Variants in TNS2 observed in about 807,000 individuals in gnomAD.
TNS2 encodes the protein tensin-2.
Under a neutral mutation model 155.7 loss-of-function variants are expected in TNS2, and 77 were observed. The observed-to-expected ratio is 0.49, with a 90% CI of 0.41 to 0.60. The LOEUF (loss-of-function observed/expected upper bound fraction) is 0.60, where lower values mean the gene tolerates loss of function less well. Ranked by LOEUF, TNS2 falls within the 20% of genes least tolerant of loss-of-function variation. The pLI is 0.00. For synonymous variants in TNS2, 726 were observed against 763.9 expected (o/e 0.95, Z 0.82); for missense variants, 1,703 against 1,868.8 (o/e 0.91, Z 1.64).
At chr12:53,053,597 C>CT in intron 4 of TNS2, 148 bp downstream of exon 4, 1 of 1,352,458 alleles carries the variant, frequency 7.4e-7, no homozygotes, top group South Asian at 1.3e-5. Flanking sequence ...AAAAAACTGT[C>CT]TGAGTCCTCT....
At position 53,053,953 on chromosome 12, in the gene TNS2, G is replaced by A; in HGVS notation, c.301-12G>A. 6.2e-7 allele frequency: 1 copy of A among 1,614,198 alleles called. No homozygotes were observed. Among genetic ancestry groups the A allele is most frequent in the Non-Finnish European group, 8.5e-7 (1 of 1,180,040 alleles). On this transcript the variant is annotated splice_polypyrimidine_tract_variant and intron_variant, in intron 5 of 28. Coordinates refer to ENST00000314250, the MANE Select transcript of TNS2 (RefSeq NM_170754.4). ...CCAAAGAGATGTCTAGACACTGTCT[G>A]TTAACCACCAGGGATCCACCAAATC...
Position 53,063,701 on chromosome 12 carries a change from T to C in TNS2, c.4092-43T>C. On this transcript the variant is annotated intron_variant, in intron 28 of 28. Coordinates refer to ENST00000314250, the MANE Select transcript of TNS2 (RefSeq NM_170754.4). The surrounding 1 kb of genome is among the most constrained non-coding windows in gnomAD (Gnocchi z 5.6). ...CACCAAGGCCAGCTACATTCCCTTG[T>C]GGAAGGAATGTTAAGCCCCTTCCCC... The C allele has an allele frequency of 6.2e-7, 1 of 1,613,982 alleles. No homozygotes were observed. Among genetic ancestry groups the C allele is most frequent in the Non-Finnish European group, 8.5e-7 (1 of 1,179,882 alleles).
chr12:53,047,111 G>GGTGGGGAGCTGGCGGAAC (rs544823724), upstream of TNS2: 4 of 152,588 alleles, frequency 2.6e-5, no homozygotes, highest in South Asian at 7.7e-4. Context: ...GAGGCCGAGG[G>GGTGGGGAGCTGGCGGAAC]GTGGGGAGCT....
rs144263825 is a variant in TNS2, at chr12:53,059,543, C to T, written c.1902C>T (p.Ala634=). The change falls in exon 18 of 29, where the codon GCC becomes GCT. Residue 634 remains alanine (A), a synonymous_variant. Coordinates refer to ENST00000314250, the MANE Select transcript of TNS2 (RefSeq NM_170754.4). This position sits in a 1 kb window ranked among gnomAD's most constrained non-coding sequence, Gnocchi z 4.7. ...GGYEGSPQGY[A]EASMEKRRLC... is the part of the protein sequence containing the mutation. ...ATGAGGGATCCCCCCAGGGCTACGC[C>T]GAGGCCTCGATGGAGAAGAGGCGCC... 56 of 1,591,720 alleles carry T rather than the reference C, an allele frequency of 3.5e-5. No individual in the cohort carries two copies. The African/African-American group carries it at 7.0e-4, about 20-fold the overall frequency.
intron 3 of TNS2, among the ~76,000 whole-genome samples, chr12:53,052,760 G>C (rs893759172): frequency 2.0e-5 from 3 of 151,498 alleles, no homozygotes; most frequent in African/African-American, 7.3e-5. Context: ...CGAGAGGATG[G>C]GGGTGGGGAA....
chr12:53,048,364 C>T (rs192817372), upstream of TNS2, among the ~76,000 whole-genome samples: 6 of 152,224 alleles, frequency 3.9e-5, no homozygotes, highest in Non-Finnish European at 8.8e-5. Context: ...CCTATGGAGG[C>T]AGCAGGAGAG....
At position 53,055,563 on chromosome 12, in the gene TNS2, C is replaced by T. The variant is rs1944119270; in HGVS notation, c.574-5C>T. 6.3e-7 allele frequency: 1 copy of T among 1,598,832 alleles called. No homozygotes were observed. The highest frequency in any genetic ancestry group is 1.1e-5 in the South Asian group (1 of 89,842). On this transcript the variant is annotated splice_region_variant and splice_polypyrimidine_tract_variant and intron_variant, in intron 8 of 28. Coordinates refer to ENST00000314250, the MANE Select transcript of TNS2 (RefSeq NM_170754.4). ...GCCCCAGTTGCACCCCTGCATTCTC[C>T]CCAGGTTCAAGACTTCGGCTGGCCT... is the stretch of plus-strand genomic sequence containing the variant.
chr12:53,060,802 C>T lies in TNS2; in HGVS notation c.2896C>T (p.Pro966Ser). Reference protein sequence around the residue: ...KAPELPSGSGPEPLAPSPVSP... With the variant: ...KAPELPSGSGSEPLAPSPVSP... ...CCCTGAGCTGCCGTCGGGAAGTGGGCCTGAGCCTCTGGCCCCTAGCCCAGT... is the reference window on the plus strand; with the variant it reads ...CCCTGAGCTGCCGTCGGGAAGTGGGTCTGAGCCTCTGGCCCCTAGCCCAGT... The change falls in exon 20 of 29, where the codon CCT becomes TCT. Residue 966 changes from proline to serine, a missense_variant. Physicochemically the swap from Pro to Ser is moderately conservative, Grantham distance 74 (BLOSUM62 -1). Transcript: ENST00000314250. The surrounding 1 kb of genome is among the most constrained non-coding windows in gnomAD (Gnocchi z 6.1). 6.2e-7 allele frequency: 1 copy of T among 1,611,960 alleles called. No homozygotes were observed. The highest frequency in any genetic ancestry group is 2.2e-5 in the East Asian group (1 of 44,862).
At chr12:53,049,985 A>C, upstream of TNS2, 3 of 1,267,670 alleles carry the variant, frequency 2.4e-6, no homozygotes, top group East Asian at 2.8e-5. Context: ...TCCCCCCTCC[A>C]CTTCCTGGAG....
chr12:53,055,764 GTC>G lies in TNS2; in HGVS notation c.697-11_697-10del. The G allele has an allele frequency of 6.2e-7, 1 of 1,614,212 alleles. No homozygotes were observed. Among genetic ancestry groups the G allele is most frequent in the South Asian group, 1.1e-5 (1 of 91,086 alleles). ...CTGGAGCTCCCAGACCCTCATCCCT[GTC>G]TCTCTGTCTGTCAGGGAAACAAGGG... On this transcript the variant is annotated splice_polypyrimidine_tract_variant and intron_variant, in intron 9 of 28. Coordinates refer to ENST00000314250, the MANE Select transcript of TNS2 (RefSeq NM_170754.4).
chr12:53,062,921 G>T, intron 25 of TNS2, 168 bp from the exon 26 acceptor site: 1 of 1,025,032 alleles, frequency 9.8e-7, no homozygotes, highest in Non-Finnish European at 1.4e-6. Context: ...AGGCTTCTCT[G>T]CCTCGCTTCT....
At chr12:53,054,073 A>C in intron 6 of TNS2, 59 bp downstream of exon 6, 2 of 1,610,328 alleles carry the variant, frequency 1.2e-6, no homozygotes, top group South Asian at 2.2e-5. Context: ...CCCACACCTC[A>C]GCCCAGGGCA....
chr12:53,052,481 T>C lies in TNS2; in HGVS notation c.211T>C (p.Cys71Arg), dbSNP rs769227639. ...RVCKVATHRK[C>R]EAKVTSACQA... ...CTGCAAGGTGGCGACGCACAGAAAA[T>C]GTGAAGCAAAGGTGGGTATCTGATT... is the stretch of plus-strand genomic sequence containing the variant. Residue 71 changes from cysteine to arginine, a missense_variant, in exon 3 of 29, where the codon TGT becomes CGT. Physicochemically the swap from Cys to Arg is radical, Grantham distance 180 (BLOSUM62 -3). Coordinates refer to ENST00000314250, the MANE Select transcript of TNS2 (RefSeq NM_170754.4). The C allele has an allele frequency of 2.5e-5, 41 of 1,613,638 alleles. No individual in the cohort carries two copies. Among genetic ancestry groups the C allele is most frequent in the Non-Finnish European group, 3.4e-5 (40 of 1,179,870 alleles).
At position 53,060,911 on chromosome 12, in the gene TNS2, G is replaced by C; in HGVS notation, c.3005G>C (p.Arg1002Pro). The change falls in exon 20 of 29, where the codon CGG becomes CCG. Residue 1002 changes from arginine (R) to proline (P), a missense_variant. Arg to Pro is a moderately radical substitution (Grantham distance 103, BLOSUM62 -2). Coordinates refer to ENST00000314250, the MANE Select transcript of TNS2 (RefSeq NM_170754.4). This position sits in a 1 kb window ranked among gnomAD's most constrained non-coding sequence, Gnocchi z 6.1. ...GGCCACTCAGATGGCGCCAGTCCTC[G>C]GAGCCCTGTGCCCACCACACTTCCT... ...PGGHSDGASPRSPVPTTLPGL... is the reference protein window; with the variant it reads ...PGGHSDGASPPSPVPTTLPGL... The C allele has an allele frequency of 6.3e-7, 1 of 1,590,148 alleles. No individual in the cohort carries two copies. Among genetic ancestry groups the C allele is most frequent in the Non-Finnish European group, 8.6e-7 (1 of 1,167,624 alleles).
upstream of TNS2, chr12:53,049,847 G>A (rs1943859568): frequency 5.2e-6 from 2 of 385,766 alleles, no homozygotes; most frequent in African/African-American, 4.2e-5. Context: ...GCAGATCCCT[G>A]GAGAGTGTGG....
At chr12:53,053,389 T>C in intron 3 of TNS2, 22 bp from the exon 4 acceptor site, 1 of 1,613,900 alleles carries the variant, frequency 6.2e-7, no homozygotes, top group Non-Finnish European at 8.5e-7. Flanking sequence ...GGAGCTCAGT[T>C]CCTTACTCGG....
chr12:53,058,913 C>A, intron 17 of TNS2, 86 bp downstream of exon 17: 2 of 1,567,756 alleles, frequency 1.3e-6, no homozygotes, highest in Non-Finnish European at 1.7e-6. Flanking sequence ...ACTCCCTCCT[C>A]CCCAGGCAGA....
chr12:53,047,561 G>A (rs1943770829), upstream of TNS2, among the ~76,000 whole-genome samples: 2 of 150,492 alleles, frequency 1.3e-5, no homozygotes, highest in South Asian at 2.1e-4. Flanking sequence ...CGGGAGGCCG[G>A]GACAGTGACT....
intron 6 of TNS2, 68 bp from the exon 7 acceptor site, chr12:53,054,202 C>T: frequency 1.1e-5 from 18 of 1,605,306 alleles, no homozygotes; most frequent in Non-Finnish European, 1.4e-5. Context: ...AACAGACAGC[C>T]TTCCCGTCAC....
Sources: gnomAD v4.1 joint callset for allele counts (sites outside exome capture counted in the v4.1 genomes callset) on GRCh38, gnomAD v4.1.1 for gene constraint, Gnocchi (gnomAD v3.1) non-coding constraint, MANE v1.5 for transcripts, NCBI Gene and HGNC (gene_info 2026-07-23, HGNC 2026-07-21) for gene names.